The following SMIM14 variants were observed in gnomAD, a reference collection of about 807,000 sequenced individuals.
SMIM14 encodes chromosome 4 open reading frame 34.
In SMIM14, 5 loss-of-function variants were observed where a neutral mutation model predicts 12.6. The observed-to-expected ratio is 0.40, with a 90% CI of 0.21 to 0.83. The LOEUF (loss-of-function observed/expected upper bound fraction) is 0.83, where lower values mean the gene tolerates loss of function less well. Ranked by LOEUF, SMIM14 falls within the 40% of genes least tolerant of loss-of-function variation. The pLI is 0.37. For missense variants in SMIM14, 86 were observed against 119.1 expected (o/e 0.72, Z 1.29); for synonymous variants, 30 against 40.1 (o/e 0.75, Z 0.95).
At chr4:39,575,079 G>GTTTTT (rs372419357) in intron 2 of SMIM14, among the ~76,000 whole-genome samples, 9 of 125,416 alleles carry the variant, frequency 7.2e-5, no homozygotes, top group Non-Finnish European at 1.2e-4. Context: ...CGAGAAAATA[G>GTTTTT]TTTTTTTTTT....
At chr4:39,596,844 C>T (rs1343558359) in intron 2 of SMIM14, among the ~76,000 whole-genome samples, 2 of 152,142 alleles carry the variant, frequency 1.3e-5, no homozygotes, top group East Asian at 1.9e-4. Flanking sequence ...GGTGCAATCA[C>T]ACCTCATTGC....
chr4:39,625,591 C>T (rs1235864167), intron 1 of SMIM14, among the ~76,000 whole-genome samples: 1 of 152,154 alleles, frequency 6.6e-6, no homozygotes, highest in East Asian at 1.9e-4. Context: ...CAGGCACGCG[C>T]CACCACATCC....
intron 1 of SMIM14, among the ~76,000 whole-genome samples, chr4:39,614,295 G>T (rs557784352): frequency 7.4e-4 from 112 of 151,870 alleles, no homozygotes; most frequent in African/African-American, 2.7e-3. Context: ...ATTGAAGTTG[G>T]GTTATAGGTT....
chr4:39,554,183 G>A (rs969299645), intron 4 of SMIM14, among the ~76,000 whole-genome samples: 1 of 152,172 alleles, frequency 6.6e-6, no homozygotes, highest in Non-Finnish European at 1.5e-5. Flanking sequence ...TGGTATACAA[G>A]TGAATCTGGC....
intron 1 of SMIM14, among the ~76,000 whole-genome samples, chr4:39,633,167 G>A (rs1047835605): frequency 1.5e-4 from 22 of 151,676 alleles, no homozygotes; most frequent in African/African-American, 5.1e-4. Context: ...GGTGGCGCAC[G>A]TCTGTAATCC....
chr4:39,557,277 G>A (rs777703154), intron 3 of SMIM14, among the ~76,000 whole-genome samples: 1 of 152,018 alleles, frequency 6.6e-6, no homozygotes. Flanking sequence ...CTCCCAAAGG[G>A]CTGGGATTAC....
rs370438992 is a variant in SMIM14, at chr4:39,618,664, A to AC, written c.-35-13485dup. ...GACTCCATCTCAAAAAAAAAAAAAA[A>AC]CAAAAAAAAAAAACCAAAGCCCAGT... On this transcript the variant is annotated intron_variant, in intron 1 of 4. Coordinates refer to ENST00000295958, the MANE Select transcript of SMIM14 (RefSeq NM_174921.3). Among the ~76,000 whole-genome samples, 578 of 147,566 alleles carry AC rather than the reference A, an allele frequency of 3.9e-3. 22 individuals are homozygous for AC. In the East Asian group the frequency reaches 0.079, roughly 20 times the overall value.
intron 3 of SMIM14, among the ~76,000 whole-genome samples, chr4:39,557,476 G>A (rs1433023680): frequency 1.3e-5 from 2 of 152,022 alleles, no homozygotes; most frequent in Non-Finnish European, 2.9e-5. Flanking sequence ...TCCATTTTAA[G>A]AATTCATGGG....
intron 3 of SMIM14, among the ~76,000 whole-genome samples, chr4:39,562,942 CA>C (rs1344523610): frequency 1.1e-4 from 17 of 152,210 alleles, no homozygotes; most frequent in Admixed American, 3.3e-4. Context: ...CTGTGCCCAG[CA>C]ACTCTAAGTT....
rs141230783 is a variant in SMIM14 at position 39,555,586 on chromosome 4, C to T, written c.267+842G>A. Reference sequence around the variant, plus strand: ...AAAACTCCCTATTGGGTCACTTTATCATAGTTTTAATTTAGAAGGTTCTAA... The same window carrying T: ...AAAACTCCCTATTGGGTCACTTTATTATAGTTTTAATTTAGAAGGTTCTAA... On this transcript the variant is annotated intron_variant, in intron 4 of 4. Coordinates refer to ENST00000295958, the MANE Select transcript of SMIM14 (RefSeq NM_174921.3). Among the ~76,000 whole-genome samples the T allele has an allele frequency of 7.0e-3, 1,059 of 152,248 alleles. 5 individuals carry two copies. The highest frequency in any genetic ancestry group is 0.012 in the Non-Finnish European group (793 of 68,012).
intron 2 of SMIM14, among the ~76,000 whole-genome samples, chr4:39,592,004 G>T (rs530770816): frequency 2.9e-4 from 44 of 151,594 alleles, no homozygotes; most frequent in African/African-American, 9.4e-4. Context: ...ACCAGCGTAG[G>T]CAACACAGTG....
At chr4:39,572,118 T>C (rs745723953) in intron 3 of SMIM14, among the ~76,000 whole-genome samples, 27 of 151,960 alleles carry the variant, frequency 1.8e-4, no homozygotes, top group Non-Finnish European at 3.2e-4. Flanking sequence ...TTTTTCCTTA[T>C]ACTTATTTTA....
At chr4:39,605,208 G>A in intron 1 of SMIM14, 28 bp from the exon 2 acceptor site, 1 of 1,301,268 alleles carries the variant, frequency 7.7e-7, no homozygotes, top group Non-Finnish European at 1.1e-6. Flanking sequence ...ATACTGTTAA[G>A]TCTACAATTC....
chr4:39,624,828 A>AAC (rs1560309514), intron 1 of SMIM14, among the ~76,000 whole-genome samples: 1 of 151,516 alleles, frequency 6.6e-6, no homozygotes, highest in African/African-American at 2.4e-5. Context: ...AAAAAAAAAA[A>AAC]AAAAAACTTC....
rs1399457554 is a variant in SMIM14 at position 39,576,672 on chromosome 4, A to G, written c.76-4209T>C. Among the ~76,000 whole-genome samples the G allele has an allele frequency of 6.9e-4, 20 of 29,102 alleles. 2 individuals are homozygous for G. In the East Asian group the frequency reaches 7.6e-3, roughly 11 times the overall value. 19.1% of individuals were successfully genotyped at this position (29,102 alleles called of 152,430 possible). On this transcript the variant is annotated intron_variant, in intron 2 of 4. Coordinates refer to ENST00000295958, the MANE Select transcript of SMIM14 (RefSeq NM_174921.3). Reference sequence around the variant, plus strand: ...TGTGTGTGTATGTGTATATATATATATATATATATATATTTTTTTTTTTTT... The same window carrying G: ...TGTGTGTGTATGTGTATATATATATGTATATATATATATTTTTTTTTTTTT...
chr4:39,552,184 T>A, intron 4 of SMIM14, 26 bp from the exon 5 acceptor site: 1 of 1,546,626 alleles, frequency 6.5e-7, no homozygotes, highest in Non-Finnish European at 8.7e-7. Flanking sequence ...AATAAATTAT[T>A]TAATTGACTT....
chr4:39,606,931 C>T (rs1714835549), intron 1 of SMIM14, among the ~76,000 whole-genome samples: 1 of 152,126 alleles, frequency 6.6e-6, no homozygotes, highest in Non-Finnish European at 1.5e-5. Context: ...AAAAATACAC[C>T]AGATGGGTTT....
At chr4:39,593,798 C>T (rs1714226151) in intron 2 of SMIM14, 1 of 152,132 alleles carries the variant, frequency 6.6e-6, no homozygotes, top group South Asian at 2.1e-4. Flanking sequence ...AACTCCCATT[C>T]ACAGTTGCTT....
chr4:39,619,507 T>G (rs1401815980), intron 1 of SMIM14, among the ~76,000 whole-genome samples: 1 of 90,024 alleles, frequency 1.1e-5, no homozygotes, highest in African/African-American at 4.8e-5. Context: ...ATTTATTCTA[T>G]ATCAATAAAT....
Sources: allele counts gnomAD v4.1 joint callset (sites outside exome capture counted in the v4.1 genomes callset), GRCh38; gene constraint gnomAD v4.1.1; transcripts MANE v1.5; gene names NCBI Gene and HGNC (gene_info 2026-07-23, HGNC 2026-07-21).